The following GPHN variants were observed in gnomAD, a reference collection of about 807,000 sequenced individuals.
GPHN encodes gephyrin.
Under a neutral mutation model 95.5 loss-of-function variants are expected in GPHN, and 17 were observed. That is an observed-to-expected ratio of 0.18 (90% CI 0.12 to 0.27). The LOEUF (loss-of-function observed/expected upper bound fraction) is 0.27. Among genes scored for constraint, GPHN ranks in the 10% least tolerant of loss-of-function variants. GPHN has a pLI of 1.00. For synonymous variants in GPHN, 320 were observed against 322.5 expected (o/e 0.99, Z 0.08); for missense variants, 660 against 978.1 (o/e 0.67, Z 4.34).
At chr14:67,102,213 C>G (rs560975830) in intron 13 of GPHN, among the ~76,000 whole-genome samples, 59 of 152,100 alleles carry the variant, frequency 3.9e-4, no homozygotes, top group African/African-American at 1.1e-3. Context: ...TCTGTCAATC[C>G]GGTGAGTTAC....
chr14:66,818,650 T>G (rs1479533537), intron 3 of GPHN, among the ~76,000 whole-genome samples: 1 of 152,178 alleles, frequency 6.6e-6, no homozygotes, highest in Non-Finnish European at 1.5e-5. Flanking sequence ...ATGGTATTTC[T>G]GTCTGTAGGT....
chr14:66,737,730 T>A (rs2072423585), intron 2 of GPHN, among the ~76,000 whole-genome samples: 2 of 152,244 alleles, frequency 1.3e-5, no homozygotes, highest in Non-Finnish European at 2.9e-5. Context: ...ATGATTCTTT[T>A]TTGCTTACAG....
chr14:67,123,688 AG>A (rs1229926687), intron 17 of GPHN, among the ~76,000 whole-genome samples: 6 of 152,200 alleles, frequency 3.9e-5, no homozygotes, highest in Non-Finnish European at 7.3e-5. Flanking sequence ...AAAATAAATA[AG>A]TAAACAAATT....
the GPHN span, among the ~76,000 whole-genome samples, chr14:67,445,577 C>CTT: frequency 0.078 from 4,661 of 59,832 alleles, 719 homozygotes; most frequent in Admixed American, 0.12. Flanking sequence ...AGAGGCAATT[C>CTT]TTTTTTTTTT....
the GPHN span, among the ~76,000 whole-genome samples, chr14:67,468,299 T>G: frequency 3.3e-5 from 5 of 152,156 alleles, no homozygotes; most frequent in East Asian, 9.6e-4. Context: ...AAGACCTGGC[T>G]CCTCTAACCT....
At chr14:67,322,503 C>T in the GPHN span, among the ~76,000 whole-genome samples, 1 of 152,126 alleles carries the variant, frequency 6.6e-6, no homozygotes, top group South Asian at 2.1e-4. Context: ...AATTAGGCAA[C>T]ATAGTCAGTG....
chr14:67,585,681 G>C, the GPHN span: 1 of 1,440,976 alleles, frequency 6.9e-7, no homozygotes, highest in Admixed American at 2.0e-5. Flanking sequence ...GCTGCTCCCT[G>C]ACCCCTCCTC....
chr14:67,428,323 T>A, the GPHN span, among the ~76,000 whole-genome samples: 2 of 152,170 alleles, frequency 1.3e-5, no homozygotes, highest in Non-Finnish European at 2.9e-5. Context: ...CACACCCACA[T>A]GCAAGGACGC....
intron 2 of GPHN, among the ~76,000 whole-genome samples, chr14:66,765,482 G>A (rs538395775): frequency 6.6e-6 from 1 of 152,252 alleles, no homozygotes; most frequent in Admixed American, 6.5e-5. Context: ...TTTGGAGCCA[G>A]AGGCTATTAT....
the GPHN span, among the ~76,000 whole-genome samples, chr14:67,281,161 T>C: frequency 6.6e-6 from 1 of 152,072 alleles, no homozygotes; most frequent in Admixed American, 6.6e-5. Flanking sequence ...CCTTCCAAAG[T>C]GCTGGGATTA....
At chr14:67,113,555 C>A (rs2078497563) in intron 16 of GPHN, among the ~76,000 whole-genome samples, 1 of 152,180 alleles carries the variant, frequency 6.6e-6, no homozygotes, top group East Asian at 1.9e-4. Flanking sequence ...AAATGATGAG[C>A]TACTTCTGTG....
intron 1 of GPHN, among the ~76,000 whole-genome samples, chr14:66,593,945 G>A (rs1245534553): frequency 6.6e-6 from 1 of 152,064 alleles, no homozygotes; most frequent in Non-Finnish European, 1.5e-5. Flanking sequence ...CCAAAAACCT[G>A]TTAAAATTGA....
intron 1 of GPHN, among the ~76,000 whole-genome samples, chr14:66,517,292 T>A (rs1244626770): frequency 3.9e-5 from 6 of 152,200 alleles, no homozygotes; most frequent in African/African-American, 1.4e-4. Flanking sequence ...TTAAAAATTA[T>A]GCTTTCATAA....
the GPHN span, chr14:67,729,269 T>G: frequency 1.2e-6 from 2 of 1,607,396 alleles, no homozygotes; most frequent in Non-Finnish European, 8.5e-7. Flanking sequence ...CTGCTCTGCC[T>G]GCTCTGGCGG....
At chr14:66,561,298 A>G (rs1030520656) in intron 1 of GPHN, among the ~76,000 whole-genome samples, 1 of 152,174 alleles carries the variant, frequency 6.6e-6, no homozygotes, top group Non-Finnish European at 1.5e-5. Flanking sequence ...ATTGATTGGA[A>G]TAGTTTCAGA....
intron 1 of GPHN, among the ~76,000 whole-genome samples, chr14:66,542,985 G>A (rs937663014): frequency 1.3e-5 from 2 of 152,122 alleles, no homozygotes; most frequent in Admixed American, 6.5e-5. Context: ...CAATCAGGGC[G>A]GAAGGCAAAA....
At chr14:66,906,771 A>G (rs190321851) in intron 5 of GPHN, among the ~76,000 whole-genome samples, 4 of 152,276 alleles carry the variant, frequency 2.6e-5, no homozygotes, top group Non-Finnish European at 5.9e-5. Context: ...TTCCAAGTGT[A>G]TAGGAATTTT....
chr14:66,740,227 G>A (rs10143288), intron 2 of GPHN, among the ~76,000 whole-genome samples: 5 of 151,838 alleles, frequency 3.3e-5, no homozygotes, highest in Non-Finnish European at 7.4e-5. Context: ...TCTATAAGAA[G>A]AAAACAAAAG....
rs139380908 is a variant in GPHN at position 66,587,126 on chromosome 14, A to T, written c.64+78535A>T. Among the ~76,000 whole-genome samples the T allele has an allele frequency of 5.3e-3, 801 of 152,272 alleles. 6 individuals carry two copies. The highest frequency in any genetic ancestry group is 0.019 in the African/African-American group (782 of 41,566). Reference sequence around the variant, plus strand: ...GAACAGTTATACACAAACAAATTACATAACCTAAAACACATGGATGAGATC... The same window carrying T: ...GAACAGTTATACACAAACAAATTACTTAACCTAAAACACATGGATGAGATC... On this transcript the variant is annotated intron_variant, in intron 1 of 22. Transcript: ENST00000478722.
Sources: gnomAD v4.1 joint callset for allele counts (sites outside exome capture counted in the v4.1 genomes callset) on GRCh38, gnomAD v4.1.1 for gene constraint, MANE v1.5 for transcripts, NCBI Gene and HGNC (gene_info 2026-07-23, HGNC 2026-07-21) for gene names.